Variants in USPL1 observed in about 807,000 individuals in gnomAD.
The protein encoded by USPL1 is ubiquitin specific peptidase like 1.
Under a neutral mutation model 51.5 loss-of-function variants are expected in USPL1, and 27 were observed. The ratio of observed to expected loss-of-function variants is 0.52; its 90% confidence interval spans 0.39 to 0.72. USPL1 has a LOEUF of 0.72. USPL1 is among the 30% of genes least tolerant of loss of function. The pLI, the probability that USPL1 is intolerant of heterozygous loss-of-function variation, is 0.00. For synonymous variants in USPL1, 451 were observed against 459.6 expected, an observed-to-expected ratio of 0.98 and a Z score of 0.24; for missense variants, 1,226 against 1,268.0, an observed-to-expected ratio of 0.97 and a Z score of 0.50.
intron 4 of USPL1, among the ~76,000 whole-genome samples, chr13:30,636,012 T>C (rs1206181891): frequency 6.6e-6 from 1 of 152,202 alleles, no homozygotes; most frequent in East Asian, 1.9e-4. Flanking sequence ...CGTTATGGTT[T>C]TGTTAGGTAA....
chr13:30,620,636 A>G (rs569525153), intron 1 of USPL1, among the ~76,000 whole-genome samples: 1 of 152,350 alleles, frequency 6.6e-6, no homozygotes, highest in Non-Finnish European at 1.5e-5. Flanking sequence ...ATAGGAATGT[A>G]TGGAATATAT....
chr13:30,642,482 C>A, intron 5 of USPL1, 146 bp from the exon 6 acceptor site: 1 of 904,704 alleles, frequency 1.1e-6, no homozygotes, highest in Non-Finnish European at 1.6e-6. Context: ...CTTCCCCTCT[C>A]CCAACTCTGA....
chr13:30,660,208 T>G lies in USPL1; in HGVS notation c.*852T>G, dbSNP rs893824586. 6.6e-6 allele frequency: 1 copy of G among 152,262 alleles called. No individual in the cohort carries two copies. The allele number at this position is 152,262 out of a possible 1,614,324, so 9.4% of individuals were successfully genotyped here. Reference sequence around the variant, plus strand: ...GGCCTCGGGGGAGGAAGTGCATACTTACTGGCCTGGAAAAGGCACCAGTTC... The same window carrying G: ...GGCCTCGGGGGAGGAAGTGCATACTGACTGGCCTGGAAAAGGCACCAGTTC... On this transcript the variant is annotated 3_prime_UTR_variant, in exon 9 of 9. Coordinates refer to ENST00000255304, the MANE Select transcript of USPL1 (RefSeq NM_005800.5).
chr13:30,657,653 G>A lies in USPL1; in HGVS notation c.1576G>A (p.Glu526Lys). Residue 526 changes from glutamate to lysine, a missense_variant, in exon 9 of 9, where the codon GAG (glutamate) becomes AAG (lysine). Transcript: ENST00000255304. ...KTNDQHALSNEKPVSLTSCSV... is the reference protein window; with the variant it reads ...KTNDQHALSNKKPVSLTSCSV... Reference sequence around the variant, plus strand: ...TAATGACCAACACGCTCTCAGTAATGAGAAACCAGTATCTTTAACATCGTG... The same window carrying A: ...TAATGACCAACACGCTCTCAGTAATAAGAAACCAGTATCTTTAACATCGTG... The A allele has an allele frequency of 1.2e-6, 2 of 1,614,146 alleles. No individual in the cohort carries two copies. Among genetic ancestry groups the A allele is most frequent in the Non-Finnish European group, 1.7e-6 (2 of 1,179,992 alleles).
At chr13:30,647,834 T>C (rs1951038284) in intron 7 of USPL1, among the ~76,000 whole-genome samples, 1 of 152,228 alleles carries the variant, frequency 6.6e-6, no homozygotes, top group Admixed American at 6.5e-5. Flanking sequence ...AGGTTTATTC[T>C]CATTGAAGTA....
At position 30,658,383 on chromosome 13, in the gene USPL1, C is replaced by G. The variant is rs1357326002; in HGVS notation, c.2306C>G (p.Ser769Cys). Residue 769 changes from serine to cysteine, a missense_variant, in exon 9 of 9, where the codon TCT becomes TGT. Physicochemically the swap from Ser to Cys is moderately radical, Grantham distance 112. Coordinates refer to ENST00000255304, the MANE Select transcript of USPL1 (RefSeq NM_005800.5). ...AAAGGCTTAATAAGCAGGGGTGCTTCTTTTATGCCACTCTGTGTTTCAGCT... is the reference window on the plus strand; with the variant it reads ...AAAGGCTTAATAAGCAGGGGTGCTTGTTTTATGCCACTCTGTGTTTCAGCT... The part of the protein sequence containing the change: ...WVKGLISRGA[S>C]FMPLCVSAHN... 6.2e-7 allele frequency: 1 copy of G among 1,613,510 alleles called. No homozygotes were observed. The highest frequency in any genetic ancestry group is 1.3e-5 in the African/African-American group (1 of 74,926).
At chr13:30,655,086 C>T (rs1443416936) in intron 8 of USPL1, among the ~76,000 whole-genome samples, 6 of 151,936 alleles carry the variant, frequency 3.9e-5, no homozygotes, top group East Asian at 3.9e-4. Flanking sequence ...TACACGCAGG[C>T]GCTACCATGC....
In USPL1 at chr13:30,631,379, T is replaced by C; in HGVS notation, c.773T>C (p.Leu258Pro). 1 of 1,614,224 alleles carries C rather than the reference T, an allele frequency of 6.2e-7. No homozygotes were observed. The change falls in exon 4 of 9, where the codon CTG becomes CCG. Residue 258 changes from leucine (L) to proline (P), a missense_variant. By Grantham distance (98) the Leu-to-Pro change is moderately conservative (BLOSUM62 -3). Transcript: ENST00000255304. ...GAGTTAAAGAACACCGTGACTGGAC[T>C]GTGCTCGAAGGAGGAATCTATATTC... is the stretch of plus-strand genomic sequence containing the variant. ...SEELKNTVTG[L>P]CSKEESIFWR...
intron 7 of USPL1, among the ~76,000 whole-genome samples, chr13:30,650,288 A>G (rs966271269): frequency 9.9e-5 from 15 of 152,202 alleles, no homozygotes; most frequent in Non-Finnish European, 1.8e-4. Context: ...ATTAAGAAAG[A>G]AATGCTGGCC....
intron 3 of USPL1, among the ~76,000 whole-genome samples, chr13:30,628,043 A>ATTTTTTTTTTT (rs202119827): frequency 1.5e-4 from 19 of 127,018 alleles, no homozygotes; most frequent in East Asian, 2.3e-4. Context: ...TGCCTGGCTA[A>ATTTTTTTTTTT]TTTTTTTTTT....
chr13:30,642,562 C>G, intron 5 of USPL1, 66 bp from the exon 6 acceptor site: 1 of 1,562,828 alleles, frequency 6.4e-7, no homozygotes. Flanking sequence ...GACAATAGTT[C>G]ACAATTTTGG....
chr13:30,632,292 A>T (rs1950817545), intron 4 of USPL1, among the ~76,000 whole-genome samples: 1 of 152,022 alleles, frequency 6.6e-6, no homozygotes, highest in Admixed American at 6.6e-5. Context: ...AAAGGACATG[A>T]ACTCATCCTT....
chr13:30,631,262 C>T lies in USPL1; in HGVS notation c.656C>T (p.Thr219Ile). The T allele has an allele frequency of 6.2e-7, 1 of 1,614,104 alleles. No individual in the cohort carries two copies. The highest frequency in any genetic ancestry group is 1.1e-5 in the South Asian group (1 of 91,082). Residue 219 changes from threonine (T) to isoleucine (I), a missense_variant, in exon 4 of 9, where the codon ACA (threonine) becomes ATA (isoleucine). By Grantham distance (89) the Thr-to-Ile change is moderately conservative. Coordinates refer to ENST00000255304, the MANE Select transcript of USPL1 (RefSeq NM_005800.5). ...GAAATGCCACTGGAGAGCAAATGTA[C>T]ATCATTTCCCCAGGCTTTATGTGTC... ...KLEMPLESKCTSFPQALCVQW... is the reference protein window; with the variant it reads ...KLEMPLESKCISFPQALCVQW...
intron 6 of USPL1, among the ~76,000 whole-genome samples, chr13:30,645,280 G>A (rs1037471159): frequency 6.6e-6 from 1 of 152,192 alleles, no homozygotes; most frequent in African/African-American, 2.4e-5. Flanking sequence ...CTGTGTGTTA[G>A]GAACTCAGGC....
At chr13:30,624,525 G>A (rs1023044943) in intron 3 of USPL1, among the ~76,000 whole-genome samples, 1 of 152,184 alleles carries the variant, frequency 6.6e-6, no homozygotes, top group Non-Finnish European at 1.5e-5. Context: ...GGGGGACTAC[G>A]GGTGCACGGC....
Position 30,659,990 on chromosome 13 carries a change from C to T in USPL1, c.*634C>T, listed in dbSNP as rs1394002866. On this transcript the variant is annotated 3_prime_UTR_variant, in exon 9 of 9. Coordinates refer to ENST00000255304, the MANE Select transcript of USPL1 (RefSeq NM_005800.5). Reference sequence around the variant, plus strand: ...GAAGCAGCCCTGGAGAAGGTAGCTTCTGTTCGCAGGCAGATTGTCCAGAGG... The same window carrying T: ...GAAGCAGCCCTGGAGAAGGTAGCTTTTGTTCGCAGGCAGATTGTCCAGAGG... 1 of 152,450 alleles carries T rather than the reference C, an allele frequency of 6.6e-6. No individual in the cohort carries two copies. Among genetic ancestry groups the T allele is most frequent in the Non-Finnish European group, 1.5e-5 (1 of 68,256 alleles). The allele number at this position is 152,450 out of a possible 1,614,324, so 9.4% of individuals were successfully genotyped here.
Position 30,659,162 on chromosome 13 carries a change from C to T in USPL1, c.3085C>T (p.Pro1029Ser). The stretch of plus-strand genomic sequence containing the variant: ...GAGACAGGACCATAATTATTGTAGC[C>T]CCACCAAGAAAAATCCATGTGAAGT... ...HLRQDHNYCS[P>S]TKKNPCEVQP... The change falls in exon 9 of 9, where the codon CCC becomes TCC. Residue 1029 changes from proline (P) to serine (S), a missense_variant. Pro to Ser is a moderately conservative substitution (Grantham distance 74). Coordinates refer to ENST00000255304, the MANE Select transcript of USPL1 (RefSeq NM_005800.5). 1.2e-6 allele frequency: 2 copies of T among 1,613,886 alleles called. No individual in the cohort carries two copies. The highest frequency in any genetic ancestry group is 1.7e-6 in the Non-Finnish European group (2 of 1,179,964).
At position 30,657,759 on chromosome 13, in the gene USPL1, C is replaced by G; in HGVS notation, c.1682C>G (p.Ser561Ter). 6.2e-7 allele frequency: 1 copy of G among 1,614,160 alleles called. No individual in the cohort carries two copies. The highest frequency in any genetic ancestry group is 8.5e-7 in the Non-Finnish European group (1 of 1,180,024). ...KDISVAPRTL[S>*]QDTAVTHGDH... ...ATATCAGTTGCCCCTCGTACTCTTT[C>G]ACAGGACACAGCTGTAACTCATGGA... Residue 561 changes from serine to a stop codon, truncating the protein, a stop_gained, in exon 9 of 9, where the codon TCA (serine) becomes TGA (stop). Coordinates refer to ENST00000255304, the MANE Select transcript of USPL1 (RefSeq NM_005800.5). LOFTEE classifies it low-confidence loss of function (END_TRUNC).
intron 5 of USPL1, among the ~76,000 whole-genome samples, chr13:30,642,216 C>G (rs1378299610): frequency 6.6e-6 from 1 of 152,186 alleles, no homozygotes; most frequent in East Asian, 1.9e-4. Context: ...CTGCCTTGGC[C>G]TCCCAGTGTG....
Sources: gnomAD v4.1 joint callset for allele counts (sites outside exome capture counted in the v4.1 genomes callset) on GRCh38, gnomAD v4.1.1 for gene constraint, MANE v1.5 for transcripts, NCBI Gene and HGNC (gene_info 2026-07-23, HGNC 2026-07-21) for gene names.